Variants in GNAI1 observed in about 807,000 individuals in gnomAD.
GNAI1 encodes the protein guanine nucleotide-binding protein G(i) subunit alpha-1.
In GNAI1, 11 loss-of-function variants were observed where a neutral mutation model predicts 38.9. The observed-to-expected ratio is 0.28, with a 90% CI of 0.18 to 0.47. The LOEUF is 0.47. Ranked by LOEUF, GNAI1 falls within the 20% of genes least tolerant of loss-of-function variation. The probability of loss-of-function intolerance (pLI) is 0.99; values close to 1 mark genes in which losing one functional copy is unlikely to be tolerated. For synonymous variants in GNAI1, 166 were observed against 145.1 expected (o/e 1.14, Z -1.04); for missense variants, 317 against 436.9 (o/e 0.73, Z 2.45).
intron 1 of GNAI1, among the ~76,000 whole-genome samples, chr7:80,154,663 A>G (rs1287954586): frequency 6.6e-6 from 1 of 152,168 alleles, no homozygotes. Context: ...AAACTTCTAC[A>G]TCATCTTTTA....
chr7:80,145,767 T>C (rs1787608669), intron 1 of GNAI1, among the ~76,000 whole-genome samples: 2 of 152,174 alleles, frequency 1.3e-5, no homozygotes, highest in African/African-American at 2.4e-5. Context: ...TGTCCTCTTA[T>C]AATTTTTCAT....
intron 3 of GNAI1, among the ~76,000 whole-genome samples, chr7:80,191,040 C>G (rs1341140279): frequency 6.6e-6 from 1 of 152,016 alleles, no homozygotes; most frequent in Non-Finnish European, 1.5e-5. Flanking sequence ...TGGTTTGACC[C>G]ACTCTTTTTA....
chr7:80,208,409 C>T (rs1788814945), intron 5 of GNAI1, among the ~76,000 whole-genome samples: 2 of 152,254 alleles, frequency 1.3e-5, no homozygotes, highest in South Asian at 2.1e-4. Context: ...AGTGTTTCTT[C>T]TAGTTATCTT....
chr7:80,138,361 A>G (rs1787462961), intron 1 of GNAI1, among the ~76,000 whole-genome samples: 1 of 152,208 alleles, frequency 6.6e-6, no homozygotes. Flanking sequence ...TTAAAAAAAG[A>G]GGAGCTAGTC....
intron 3 of GNAI1, among the ~76,000 whole-genome samples, chr7:80,190,184 C>T (rs1056801294): frequency 2.0e-5 from 3 of 151,758 alleles, no homozygotes; most frequent in Non-Finnish European, 2.9e-5. Context: ...TTCATGCTTA[C>T]TAGGGAAGAA....
At chr7:80,163,340 AGGT>A (rs544195068) in intron 1 of GNAI1, among the ~76,000 whole-genome samples, 124 of 152,320 alleles carry the variant, frequency 8.1e-4, no homozygotes, top group African/African-American at 2.9e-3. Context: ...TACCAAATGC[AGGT>A]GTCTTCTGAA....
chr7:80,189,186 G>C lies in GNAI1; in HGVS notation c.258G>C (p.Arg86Ser). 6.2e-7 allele frequency: 1 copy of C among 1,610,420 alleles called. No individual in the cohort carries two copies. The highest frequency in any genetic ancestry group is 1.7e-5 in the Admixed American group (1 of 58,822). ...NTIQSIIAII[R>S]AMGRLKIDFG... ...TCCAGTCAATTATTGCTATCATTAG[G>C]GCTATGGGGAGGTTGAAGATAGACT... The change falls in exon 3 of 8, where the codon AGG (arginine) becomes AGC (serine). Residue 86 changes from arginine to serine, a missense_variant. Around this residue, in one of 5 missense-constraint regions of GNAI1, gnomAD observed 67 missense variants for 61.5 expected, o/e 1.09. Transcript: ENST00000649796.
At position 80,220,614 on chromosome 7, in the gene GNAI1, T is replaced by C. The variant is rs1156248848; in HGVS notation, c.*3121T>C. Among the ~76,000 whole-genome samples, 4 of 152,230 alleles carry C rather than the reference T, an allele frequency of 2.6e-5. No homozygotes were observed. The highest frequency in any genetic ancestry group is 3.9e-4 in the East Asian group (2 of 5,194). Reference sequence around the variant, plus strand: ...AAAATTCTCTTCATTTCAGTAACCTTCTAAAAGTCTACTTTTTTATGCCTA... The same window carrying C: ...AAAATTCTCTTCATTTCAGTAACCTCCTAAAAGTCTACTTTTTTATGCCTA... On this transcript the variant is annotated 3_prime_UTR_variant, in exon 8 of 8. Transcript: ENST00000649796.
At chr7:80,156,570 A>C (rs1787821985) in intron 1 of GNAI1, among the ~76,000 whole-genome samples, 2 of 152,094 alleles carry the variant, frequency 1.3e-5, no homozygotes, top group African/African-American at 4.8e-5. Context: ...CTGGGACTGC[A>C]GGTACATGCC....
intron 1 of GNAI1, among the ~76,000 whole-genome samples, chr7:80,187,928 T>A (rs1009698697): frequency 6.6e-6 from 1 of 152,188 alleles, no homozygotes; most frequent in Non-Finnish European, 1.5e-5. Flanking sequence ...TTTTGTAAAC[T>A]GTCATTTCCT....
intron 3 of GNAI1, among the ~76,000 whole-genome samples, chr7:80,191,835 A>T (rs1045541403): frequency 1.5e-4 from 23 of 152,236 alleles, no homozygotes; most frequent in African/African-American, 5.5e-4. Context: ...AATCTGTTTT[A>T]GTATCCGTTC....
In GNAI1 at chr7:80,212,780, C is replaced by A. The variant is rs775831477; in HGVS notation, c.785C>A (p.Thr262Lys). The A allele has an allele frequency of 3.2e-6, 5 of 1,571,884 alleles. No homozygotes were observed. The highest frequency in any genetic ancestry group is 4.3e-6 in the Non-Finnish European group (5 of 1,158,010). ...TGTAACAACAAGTGGTTTACAGATA[C>A]ATCCATTATACTTTTTCTAAACAAG... ...SICNNKWFTD[T>K]SIILFLNKKD... The change falls in exon 7 of 8, where the codon ACA becomes AAA. Residue 262 changes from threonine to lysine, a missense_variant. By Grantham distance (78) the Thr-to-Lys change is moderately conservative. This residue lies in a region of GNAI1 where 158 missense variants were observed against 234.7 expected (regional missense o/e 0.67). Transcript: ENST00000649796.
chr7:80,198,010 A>G (rs1000374734), intron 3 of GNAI1, among the ~76,000 whole-genome samples: 8 of 152,040 alleles, frequency 5.3e-5, no homozygotes, highest in African/African-American at 1.7e-4. Context: ...TTAAAGCTAC[A>G]TATCTCAAGT....
In GNAI1 at chr7:80,135,226, C is replaced by A; in HGVS notation, c.66C>A (p.Asn22Lys). The change falls in exon 1 of 8, where the codon AAC (asparagine) becomes AAA (lysine). Residue 22 changes from asparagine to lysine, a missense_variant. Physicochemically the swap from Asn to Lys is moderately conservative, Grantham distance 94 (BLOSUM62 0). Transcript: ENST00000649796. ...AVERSKMIDRNLREDGEKAAR... is the reference protein window; with the variant it reads ...AVERSKMIDRKLREDGEKAAR... ...AGCGGAGTAAGATGATCGACCGCAA[C>A]CTCCGTGAGGACGGCGAGAAGGCGG... is the stretch of plus-strand genomic sequence containing the variant. 6.4e-7 allele frequency: 1 copy of A among 1,552,698 alleles called. No individual in the cohort carries two copies. The highest frequency in any genetic ancestry group is 2.6e-5 in the East Asian group (1 of 38,656).
intron 5 of GNAI1, 27 bp from the exon 6 acceptor site, chr7:80,210,942 A>T: frequency 1.9e-6 from 3 of 1,603,364 alleles, no homozygotes; most frequent in Non-Finnish European, 1.7e-6. Context: ...ATTTAATGTG[A>T]TGTTAACTCA....
chr7:80,193,174 T>G (rs906950784), intron 3 of GNAI1, among the ~76,000 whole-genome samples: 1 of 152,158 alleles, frequency 6.6e-6, no homozygotes, highest in African/African-American at 2.4e-5. Flanking sequence ...CATCATGGTT[T>G]TCTCTGCCAG....
intron 1 of GNAI1, among the ~76,000 whole-genome samples, chr7:80,136,367 T>C (rs1282771947): frequency 1.3e-5 from 2 of 152,308 alleles, no homozygotes; most frequent in Non-Finnish European, 2.9e-5. Context: ...AAAAGAAATG[T>C]TGCACAAACC....
chr7:80,166,893 A>G (rs964020175), intron 1 of GNAI1, among the ~76,000 whole-genome samples: 18 of 152,186 alleles, frequency 1.2e-4, no homozygotes, highest in Non-Finnish European at 5.9e-5. Context: ...TTAGATTTAT[A>G]AGTTGACAAG....
intron 1 of GNAI1, among the ~76,000 whole-genome samples, chr7:80,159,396 A>G (rs1440367994): frequency 6.6e-6 from 1 of 152,176 alleles, no homozygotes; most frequent in Non-Finnish European, 1.5e-5. Flanking sequence ...CCTCATTTCT[A>G]GGTGAGCACA....
Sources: gnomAD v4.1 joint callset for allele counts (sites outside exome capture counted in the v4.1 genomes callset) on GRCh38, gnomAD v4.1.1 for gene constraint, gnomAD v4.1.1 regional missense constraint, MANE v1.5 for transcripts, NCBI Gene and HGNC (gene_info 2026-07-23, HGNC 2026-07-21) for gene names.